Variants in CTNNA2 observed in about 807,000 individuals in gnomAD.
CTNNA2 encodes the protein catenin alpha 2.
In CTNNA2, 42 loss-of-function variants were observed where a neutral mutation model predicts 101.0. The ratio of observed to expected loss-of-function variants is 0.42; its 90% CI spans 0.32 to 0.54. CTNNA2 has a LOEUF of 0.54. Ranked by LOEUF, CTNNA2 falls within the 20% of genes least tolerant of loss-of-function variation. The pLI is 0.14. For synonymous variants in CTNNA2, 450 were observed against 456.4 expected, an observed-to-expected ratio of 0.99 and a Z score of 0.18; for missense variants, 871 against 1,223.1, an observed-to-expected ratio of 0.71 and a Z score of 4.29.
chr2:79,348,100 A>G (rs1031429807), intron 3 of CTNNA2, among the ~76,000 whole-genome samples: 11 of 152,204 alleles, frequency 7.2e-5, no homozygotes, highest in Admixed American at 5.9e-4. Flanking sequence ...GTCACAGGCA[A>G]CATGGTATGG....
intron 9 of CTNNA2, among the ~76,000 whole-genome samples, chr2:80,485,404 T>C (rs921397010): frequency 6.6e-6 from 1 of 152,220 alleles, no homozygotes; most frequent in Non-Finnish European, 1.5e-5. Context: ...TTCATTTGCA[T>C]TCCTAACAAT....
chr2:80,107,627 A>C (rs553437541), intron 7 of CTNNA2, among the ~76,000 whole-genome samples: 8 of 152,228 alleles, frequency 5.3e-5, no homozygotes, highest in Non-Finnish European at 1.0e-4. Context: ...CTCAGGACTC[A>C]CGGAGTGTGG....
At chr2:80,053,217 T>G (rs7572269) in intron 7 of CTNNA2, among the ~76,000 whole-genome samples, 129,557 of 152,172 alleles carry the variant, frequency 0.85, 55,355 homozygotes, top group East Asian at 0.98. Context: ...TTCCTGTTTG[T>G]GTAAGTGTCC....
chr2:80,002,276 G>A lies in CTNNA2; in HGVS notation c.1056+92479G>A, dbSNP rs546546704. 6.6e-5 allele frequency among the ~76,000 whole-genome samples: 10 copies of A among 152,224 alleles called. No individual in the cohort carries two copies. The East Asian group carries it at 1.9e-3, about 30-fold the overall frequency. ...ATTGATTTAGAGTTGGAGCTGGGCTGGTACCACGTGGACCGCTCTTACTCT... is the reference window on the plus strand; with the variant it reads ...ATTGATTTAGAGTTGGAGCTGGGCTAGTACCACGTGGACCGCTCTTACTCT... On this transcript the variant is annotated intron_variant, in intron 7 of 18. Transcript: ENST00000402739.
chr2:80,366,674 T>G (rs974387253), intron 7 of CTNNA2, among the ~76,000 whole-genome samples: 3 of 152,134 alleles, frequency 2.0e-5, no homozygotes, highest in African/African-American at 7.2e-5. Context: ...TGCCTCTCCC[T>G]TCTTCCTCCG....
intron 7 of CTNNA2, among the ~76,000 whole-genome samples, chr2:79,994,525 G>T (rs1008813598): frequency 2.0e-5 from 3 of 152,030 alleles, no homozygotes; most frequent in Non-Finnish European, 4.4e-5. Flanking sequence ...ACAGTCATTG[G>T]ATCCCCAACA....
chr2:80,321,196 A>G (rs1019034179), intron 7 of CTNNA2, among the ~76,000 whole-genome samples: 1 of 152,138 alleles, frequency 6.6e-6, no homozygotes, highest in Non-Finnish European at 1.5e-5. Flanking sequence ...AACTTGATAA[A>G]CCCTCAAGTA....
intron 7 of CTNNA2, among the ~76,000 whole-genome samples, chr2:80,165,836 G>A (rs546713211): frequency 6.6e-6 from 1 of 152,034 alleles, no homozygotes; most frequent in Admixed American, 6.6e-5. Flanking sequence ...GTTCTACTTG[G>A]GCTTCTCTGA....
chr2:79,525,303 G>C (rs1028248559), intron 1 of CTNNA2, among the ~76,000 whole-genome samples: 1 of 151,812 alleles, frequency 6.6e-6, no homozygotes. Context: ...GCTTAACATG[G>C]GTAGTATTTT....
At chr2:79,198,156 A>C (rs1673987380) in intron 2 of CTNNA2, 1 of 152,240 alleles carries the variant, frequency 6.6e-6, no homozygotes, top group South Asian at 2.1e-4. Flanking sequence ...CTACACAGCT[A>C]AGAAAATGAG....
intron 7 of CTNNA2, among the ~76,000 whole-genome samples, chr2:80,313,939 C>T (rs1677851657): frequency 6.6e-6 from 1 of 152,148 alleles, no homozygotes; most frequent in Non-Finnish European, 1.5e-5. Flanking sequence ...TTAAGTGGTA[C>T]TCTTTCCAAG....
intron 13 of CTNNA2, among the ~76,000 whole-genome samples, chr2:80,577,124 A>G (rs1695122938): frequency 6.6e-6 from 1 of 152,202 alleles, no homozygotes; most frequent in Admixed American, 6.5e-5. Context: ...ATTTGCTGAA[A>G]GCTTATTAGA....
At chr2:79,332,306 A>G (rs71245367) in intron 3 of CTNNA2, among the ~76,000 whole-genome samples, 29,921 of 151,854 alleles carry the variant, frequency 0.2, 3,707 homozygotes, top group Admixed American at 0.31. Flanking sequence ...AAGAAGAAAA[A>G]AAAAAAAAAG....
chr2:79,635,729 A>G (rs1438124870), intron 1 of CTNNA2, among the ~76,000 whole-genome samples: 1 of 150,990 alleles, frequency 6.6e-6, no homozygotes, highest in Non-Finnish European at 1.5e-5. Flanking sequence ...GTCTCTAACT[A>G]CTGACCTCAG....
At chr2:80,350,993 A>G (rs1673235705) in intron 7 of CTNNA2, among the ~76,000 whole-genome samples, 1 of 152,200 alleles carries the variant, frequency 6.6e-6, no homozygotes. Flanking sequence ...GATGACCTAA[A>G]GCCTGAACTG....
chr2:80,541,628 G>A (rs1208195027), intron 9 of CTNNA2, among the ~76,000 whole-genome samples: 1 of 152,104 alleles, frequency 6.6e-6, no homozygotes, highest in African/African-American at 2.4e-5. Flanking sequence ...GTCCCACAGG[G>A]TCGACTTCTG....
intron 7 of CTNNA2, among the ~76,000 whole-genome samples, chr2:80,031,710 A>C (rs897473429): frequency 2.0e-5 from 3 of 152,218 alleles, no homozygotes; most frequent in African/African-American, 7.2e-5. Flanking sequence ...TTGTTTAACT[A>C]TTTTACAGTG....
chr2:80,627,645 C>A (rs1671821864), intron 18 of CTNNA2, among the ~76,000 whole-genome samples: 1 of 152,082 alleles, frequency 6.6e-6, no homozygotes, highest in East Asian at 1.9e-4. Context: ...AATTTTCTCC[C>A]ATTTTGTAGG....
intron 3 of CTNNA2, among the ~76,000 whole-genome samples, chr2:79,804,795 G>A (rs1676439670): frequency 6.6e-6 from 1 of 152,194 alleles, no homozygotes; most frequent in African/African-American, 2.4e-5. Context: ...TAAAATGCAA[G>A]TTATAGCACT....
Sources: gnomAD v4.1 joint callset for allele counts (sites outside exome capture counted in the v4.1 genomes callset) on GRCh38, gnomAD v4.1.1 for gene constraint, MANE v1.5 for transcripts, NCBI Gene and HGNC (gene_info 2026-07-23, HGNC 2026-07-21) for gene names.